The following KIAA0513 variants were observed in gnomAD, a reference collection of about 807,000 sequenced individuals.
KIAA0513 encodes the protein uncharacterized protein KIAA0513.
A neutral mutation model predicts 56.5 loss-of-function variants in KIAA0513; 39 were observed. The ratio of observed to expected loss-of-function variants is 0.69; its 90% CI spans 0.53 to 0.90. The LOEUF (loss-of-function observed/expected upper bound fraction) is 0.90, where lower values mean the gene tolerates loss of function less well. KIAA0513 is among the 40% of genes least tolerant of loss of function. The pLI, the probability that KIAA0513 is intolerant of heterozygous loss-of-function variation, is 0.00. For missense variants in KIAA0513, 591 were observed against 535.2 expected (o/e 1.10, Z -1.03); for synonymous variants, 268 against 215.6 (o/e 1.24, Z -2.13).
At chr16:85,072,821 C>T in intron 3 of KIAA0513, 104 bp from the exon 4 acceptor site, 2 of 1,142,738 alleles carry the variant, frequency 1.8e-6, no homozygotes, top group Non-Finnish European at 2.6e-6. Context: ...GGGCCCCCAT[C>T]CCAGCTGCAT....
intron 1 of KIAA0513, among the ~76,000 whole-genome samples, chr16:85,042,271 G>C: frequency 6.6e-6 from 1 of 152,174 alleles, no homozygotes; most frequent in African/African-American, 2.4e-5. Flanking sequence ...GCTTTGGATG[G>C]GATATCAAAT....
At chr16:85,029,933 C>G (rs1211512571) in intron 1 of KIAA0513, among the ~76,000 whole-genome samples, 1 of 152,202 alleles carries the variant, frequency 6.6e-6, no homozygotes, top group Non-Finnish European at 1.5e-5. Context: ...TGCCCAGGGT[C>G]TCTTTGCTAC....
chr16:85,054,483 T>C (rs1371976935), intron 1 of KIAA0513, among the ~76,000 whole-genome samples: 2 of 148,698 alleles, frequency 1.3e-5, no homozygotes, highest in Non-Finnish European at 3.0e-5. Context: ...CAGGCTGAAG[T>C]GCAGTGGCCA....
intron 2 of KIAA0513, among the ~76,000 whole-genome samples, chr16:85,070,184 G>A (rs28552813): frequency 0.31 from 45,251 of 145,600 alleles, 7,795 homozygotes; most frequent in African/African-American, 0.44. Flanking sequence ...AAAAAAAAAA[G>A]AAAAAAGAAA....
intron 6 of KIAA0513, 121 bp from the exon 7 acceptor site, chr16:85,078,294 T>G: frequency 9.8e-7 from 1 of 1,018,304 alleles, no homozygotes; most frequent in East Asian, 2.6e-5. Flanking sequence ...CATAAAAGGC[T>G]TTTCAGAGCA....
chr16:85,078,491 C>A, intron 7 of KIAA0513, 36 bp downstream of exon 7: 1 of 1,602,612 alleles, frequency 6.2e-7, no homozygotes, highest in Non-Finnish European at 8.5e-7. Context: ...AGACGCCCAG[C>A]CCACAGCCCC....
chr16:85,075,752 G>A (rs1037634507), intron 4 of KIAA0513, 92 bp from the exon 5 acceptor site: 28 of 1,027,734 alleles, frequency 2.7e-5, no homozygotes, highest in Middle Eastern at 2.3e-4. Context: ...TAATTGGGAC[G>A]CATGTGTCAA....
At position 85,081,525 on chromosome 16, in the gene KIAA0513, C is replaced by A. The variant is rs1483763173; in HGVS notation, c.980+133C>A. On this transcript the variant is annotated intron_variant, in intron 9 of 12. Coordinates refer to ENST00000683363, the MANE Select transcript of KIAA0513 (RefSeq NM_001388359.1). This position sits in a 1 kb window ranked among gnomAD's most constrained non-coding sequence, Gnocchi z 4.4. ...CTGTTTTTTCTTCACCCCCTCATGG[C>A]CCTGGTGCCTCGCAAGCTGCCTGAG... 2 of 809,140 alleles carry A rather than the reference C, an allele frequency of 2.5e-6. No individual in the cohort carries two copies. Among genetic ancestry groups the A allele is most frequent in the Non-Finnish European group, 4.1e-6 (2 of 484,238 alleles). 50.1% of individuals were successfully genotyped at this position (809,140 alleles called of 1,614,324 possible).
chr16:85,075,844 G>A lies in KIAA0513; in HGVS notation c.504G>A (p.Glu168=). The change falls in exon 5 of 13, where the codon GAG becomes GAA. Residue 168 remains glutamate (E), a splice_region_variant and synonymous_variant. Coordinates refer to ENST00000683363, the MANE Select transcript of KIAA0513 (RefSeq NM_001388359.1). ...CCATGAGCCTTGCCTCTTGTTTCAG[G>A]TGTCATCAGATGGATGACTTTGGGC... ...LVQSFAVVLF[E]CHQMDDFGPA... The A allele has an allele frequency of 1.2e-6, 2 of 1,614,018 alleles. No homozygotes were observed. Among genetic ancestry groups the A allele is most frequent in the Non-Finnish European group, 1.7e-6 (2 of 1,179,894 alleles).
intron 1 of KIAA0513, among the ~76,000 whole-genome samples, chr16:85,033,723 AC>A (rs2072997911): frequency 6.6e-6 from 1 of 152,092 alleles, no homozygotes; most frequent in African/African-American, 2.4e-5. Context: ...TTATCTGGTG[AC>A]TGGCACTGGC....
intron 1 of KIAA0513, among the ~76,000 whole-genome samples, chr16:85,028,588 A>G (rs1418999660): frequency 2.6e-5 from 4 of 152,058 alleles, no homozygotes; most frequent in African/African-American, 9.7e-5. Context: ...AAAGGACAGA[A>G]TTGAGTGTTC....
chr16:85,039,846 T>C (rs1456385473), intron 1 of KIAA0513, among the ~76,000 whole-genome samples: 1 of 151,816 alleles, frequency 6.6e-6, no homozygotes, highest in Non-Finnish European at 1.5e-5. Context: ...CTTTTCTTTT[T>C]TTTTTTTGAG....
rs1048102909 is a variant in KIAA0513 at position 85,081,541 on chromosome 16, G to A, written c.980+149G>A. On this transcript the variant is annotated intron_variant, in intron 9 of 12. Transcript: ENST00000683363. This position sits in a 1 kb window ranked among gnomAD's most constrained non-coding sequence, Gnocchi z 4.4. The stretch of plus-strand genomic sequence containing the variant: ...CCCTCATGGCCCTGGTGCCTCGCAA[G>A]CTGCCTGAGGGGTCACAGCTTCATG... 1.9e-5 allele frequency: 14 copies of A among 722,402 alleles called. No individual in the cohort carries two copies. Among genetic ancestry groups the A allele is most frequent in the Admixed American group, 1.9e-4 (9 of 47,720 alleles). The allele number at this position is 722,402 out of a possible 1,614,324, so 44.7% of individuals were successfully genotyped here. A position where few individuals can be genotyped will look rare whatever the true frequency, so the allele number is the denominator to read the frequency against.
chr16:85,060,422 C>T (rs62049885), intron 1 of KIAA0513, among the ~76,000 whole-genome samples: 12,866 of 152,190 alleles, frequency 0.085, 1,743 homozygotes, highest in African/African-American at 0.28. Context: ...CTCGGGGTCC[C>T]GGTGCCCCAT....
intron 1 of KIAA0513, among the ~76,000 whole-genome samples, chr16:85,050,546 C>T (rs1264750576): frequency 5.9e-5 from 9 of 152,074 alleles, no homozygotes; most frequent in Non-Finnish European, 1.0e-4. Flanking sequence ...GAACTCCTGA[C>T]CTCAAGTGAT....
chr16:85,047,604 C>T (rs1471985605), intron 1 of KIAA0513, among the ~76,000 whole-genome samples: 1 of 152,210 alleles, frequency 6.6e-6, no homozygotes, highest in African/African-American at 2.4e-5. Context: ...GACCCCTCTG[C>T]TGGCACTGTC....
chr16:85,029,281 G>A (rs1174552339), intron 1 of KIAA0513, among the ~76,000 whole-genome samples: 3 of 152,196 alleles, frequency 2.0e-5, no homozygotes, highest in African/African-American at 7.2e-5. Flanking sequence ...TTTGCGATCA[G>A]ATCATCACTA....
chr16:85,070,170 C>CAAA (rs541754961), intron 2 of KIAA0513, among the ~76,000 whole-genome samples: 3 of 91,952 alleles, frequency 3.3e-5, no homozygotes, highest in African/African-American at 9.4e-5. Context: ...GACCCTGTCT[C>CAAA]AAAAAAAAAA....
intron 7 of KIAA0513, 114 bp downstream of exon 7, chr16:85,078,569 G>C: frequency 1.0e-6 from 1 of 997,524 alleles, no homozygotes; most frequent in Admixed American, 2.3e-5. Context: ...TGGGCACCTT[G>C]CCCTGGGTGA....
Sources: allele counts gnomAD v4.1 joint callset (sites outside exome capture counted in the v4.1 genomes callset), GRCh38; gene constraint gnomAD v4.1.1; non-coding constraint Gnocchi (gnomAD v3.1); transcripts MANE v1.5; gene names NCBI Gene and HGNC (gene_info 2026-07-23, HGNC 2026-07-21).